NPY1R: variants seen among roughly 807,000 people sequenced by gnomAD.
The protein encoded by NPY1R is neuropeptide Y receptor Y1.
A neutral mutation model predicts 24.1 loss-of-function variants in NPY1R; 10 were observed. The observed-to-expected ratio is 0.42, with a 90% CI of 0.26 to 0.71. The LOEUF is 0.71. Ranked by LOEUF, NPY1R falls within the 30% of genes least tolerant of loss-of-function variation. The probability of loss-of-function intolerance (pLI) is 0.28; values close to 1 mark genes in which losing one functional copy is unlikely to be tolerated. For missense variants in NPY1R, 350 were observed against 458.0 expected (o/e 0.76, Z 2.15); for synonymous variants, 168 against 165.9 (o/e 1.01, Z -0.10).
At chr4:163,340,387 G>C (rs1560862263) in intron 1 of NPY1R, among the ~76,000 whole-genome samples, 1 of 151,806 alleles carries the variant, frequency 6.6e-6, no homozygotes, top group Non-Finnish European at 1.5e-5. Context: ...ATGTAAGACA[G>C]CCATAACTTT....
upstream of NPY1R, among the ~76,000 whole-genome samples, chr4:163,336,992 G>GT (rs10710696): frequency 0.015 from 2,293 of 150,810 alleles, 30 homozygotes; most frequent in African/African-American, 0.045. Flanking sequence ...AGGAGAAAGT[G>GT]TTTTTTTTTT....
chr4:163,337,875 C>T (rs1734880898), upstream of NPY1R, among the ~76,000 whole-genome samples: 1 of 152,138 alleles, frequency 6.6e-6, no homozygotes, highest in Admixed American at 6.5e-5. Flanking sequence ...GGTACATATA[C>T]AGTCACCTCA....
chr4:163,330,374 T>G (rs929201819), intron 1 of NPY1R, among the ~76,000 whole-genome samples: 1 of 152,174 alleles, frequency 6.6e-6, no homozygotes, highest in Non-Finnish European at 1.5e-5. Flanking sequence ...AAATGAAAAG[T>G]TTATTTTTTT....
At chr4:163,328,802 C>T (rs1203850538) in intron 1 of NPY1R, among the ~76,000 whole-genome samples, 1 of 152,230 alleles carries the variant, frequency 6.6e-6, no homozygotes, top group African/African-American at 2.4e-5. Context: ...AATCCAAACT[C>T]TACCCATCTT....
chr4:163,325,721 T>C lies in NPY1R; in HGVS notation c.737A>G (p.Asp246Gly). Residue 246 changes from aspartate (D) to glycine (G), a missense_variant, in exon 3 of 3, where the codon GAC (aspartate) becomes GGC (glycine). By Grantham distance (94) the Asp-to-Gly change is moderately conservative (BLOSUM62 -1). Coordinates refer to ENST00000296533, the MANE Select transcript of NPY1R (RefSeq NM_000909.6). Reference sequence around the variant, plus strand: ...CCTGTACTTATTGTCTCTCATCTTGTCCATCATGTTGTTTCTCCTTTTTAG... The same window carrying C: ...CCTGTACTTATTGTCTCTCATCTTGCCCATCATGTTGTTTCTCCTTTTTAG... ...IRLKRRNNMM[D>G]KMRDNKYRSS... The C allele has an allele frequency of 6.2e-7, 1 of 1,601,556 alleles. No homozygotes were observed. The highest frequency in any genetic ancestry group is 8.5e-7 in the Non-Finnish European group (1 of 1,177,938).
Position 163,326,573 on chromosome 4 carries a change from T to C in NPY1R, c.-19A>G. ...AATTCATTTTGATTGGTTTGGTTGTTATAGATTATTTTAGACAAATGGACA... is the reference window on the plus strand; with the variant it reads ...AATTCATTTTGATTGGTTTGGTTGTCATAGATTATTTTAGACAAATGGACA... On this transcript the variant is annotated 5_prime_UTR_variant, in exon 2 of 3. In the 5' UTR this introduces an upstream ATG that the reference lacks. Transcript: ENST00000296533. 3.3e-6 allele frequency: 5 copies of C among 1,499,598 alleles called. No homozygotes were observed. The South Asian group carries it at 6.2e-5, about 18-fold the overall frequency. The allele number at this position is 1,499,598 out of a possible 1,614,324, so 92.9% of individuals were successfully genotyped here.
intron 1 of NPY1R, among the ~76,000 whole-genome samples, chr4:163,327,068 TAAAC>T (rs957558209): frequency 2.0e-5 from 3 of 151,762 alleles, no homozygotes; most frequent in Admixed American, 1.3e-4. Flanking sequence ...ATAAGAAAAA[TAAAC>T]AAACAAAGCA....
chr4:163,328,327 GA>G (rs1185436815), intron 1 of NPY1R, among the ~76,000 whole-genome samples: 1 of 152,166 alleles, frequency 6.6e-6, no homozygotes, highest in East Asian at 1.9e-4. Flanking sequence ...CAGAGAGAAT[GA>G]TCAGCGATTG....
Position 163,325,881 on chromosome 4 carries a change from C to G in NPY1R, c.674G>C (p.Cys225Ser). Residue 225 changes from cysteine (C) to serine (S), a missense_variant, in exon 2 of 3, where the codon TGT (cysteine) becomes TCT (serine). Physicochemically the swap from Cys to Ser is moderately radical, Grantham distance 112 (BLOSUM62 -1). Coordinates refer to ENST00000296533, the MANE Select transcript of NPY1R (RefSeq NM_000909.6). ...CTTGAAGTAGCAAATAAATATAAAA[C>G]AAAGTGGACCAAAATACTGCAGCAC... ...LLVLQYFGPL[C>S]FIFICYFKIY... 6.2e-7 allele frequency: 1 copy of G among 1,613,620 alleles called. No homozygotes were observed. The highest frequency in any genetic ancestry group is 8.5e-7 in the Non-Finnish European group (1 of 1,179,774).
chr4:163,332,974 G>A (rs886803720), upstream of NPY1R: 2 of 152,246 alleles, frequency 1.3e-5, no homozygotes, highest in Non-Finnish European at 2.9e-5. Context: ...GCCCAAACCA[G>A]GAATCAAAGG....
At chr4:163,341,514 T>C (rs1461527410) in intron 1 of NPY1R, among the ~76,000 whole-genome samples, 1 of 152,170 alleles carries the variant, frequency 6.6e-6, no homozygotes, top group African/African-American at 2.4e-5. Flanking sequence ...ACCACAGCCA[T>C]GTTCCTCAGC....
upstream of NPY1R, among the ~76,000 whole-genome samples, chr4:163,337,744 A>G (rs566286490): frequency 1.9e-4 from 29 of 152,368 alleles, no homozygotes; most frequent in South Asian, 5.8e-3. Context: ...CACTTTTCTT[A>G]GCTTAGGACT....
rs781606902 is a variant in NPY1R, at chr4:163,326,015, A to G, written c.540T>C (p.Thr180=). 30 of 1,613,996 alleles carry G rather than the reference A, an allele frequency of 1.9e-5. 2 individuals carry two copies. The South Asian group carries it at 3.1e-4, about 17-fold the overall frequency. ...GTGTTACATTTTGGAACGGCTCATC[A>G]GTCATTACTTGGTAGATCAGGAAAG... ...SLPFLIYQVM[T]DEPFQNVTLD... The change falls in exon 2 of 3, where the codon ACT becomes ACC. Residue 180 remains threonine (T), a synonymous_variant. Coordinates refer to ENST00000296533, the MANE Select transcript of NPY1R (RefSeq NM_000909.6).
At chr4:163,335,264 G>A (rs1200869543), upstream of NPY1R, among the ~76,000 whole-genome samples, 1 of 152,136 alleles carries the variant, frequency 6.6e-6, no homozygotes, top group Non-Finnish European at 1.5e-5. Flanking sequence ...GGGGAATTAT[G>A]TTAATGACCT....
At chr4:163,327,357 T>C (rs1042488052) in intron 1 of NPY1R, among the ~76,000 whole-genome samples, 3 of 152,330 alleles carry the variant, frequency 2.0e-5, no homozygotes, top group South Asian at 4.1e-4. Flanking sequence ...ATGGGTAGCA[T>C]GTAGAACACA....
At chr4:163,335,423 A>T (rs1316546643), upstream of NPY1R, among the ~76,000 whole-genome samples, 1 of 152,218 alleles carries the variant, frequency 6.6e-6, no homozygotes, top group African/African-American at 2.4e-5. Flanking sequence ...TCCATGATTC[A>T]GTAACTGCTT....
intron 1 of NPY1R, among the ~76,000 whole-genome samples, chr4:163,331,564 G>A (rs1734728434): frequency 6.6e-6 from 1 of 151,848 alleles, no homozygotes; most frequent in South Asian, 2.1e-4. Flanking sequence ...TAAGAGACTG[G>A]CAAAAGAGAA....
chr4:163,340,267 A>G (rs1325385419), intron 1 of NPY1R, among the ~76,000 whole-genome samples: 1 of 151,972 alleles, frequency 6.6e-6, no homozygotes. Context: ...TTGACATAAT[A>G]AAATGTTATA....
chr4:163,326,519 A>G lies in NPY1R; in HGVS notation c.36T>C (p.His12=). The G allele has an allele frequency of 1.2e-6, 2 of 1,606,116 alleles. No individual in the cohort carries two copies. The highest frequency in any genetic ancestry group is 1.3e-5 in the African/African-American group (1 of 74,504). ...NSTLFSQVEN[H]SVHSNFSEKN... is the part of the protein sequence containing the mutation. ...TCTCTGAGAAATTAGAGTGGACTGA[A>G]TGATTTTCAACCTGGGAAAATAATG... Residue 12 remains histidine, a synonymous_variant, in exon 2 of 3, where the codon CAT becomes CAC. Transcript: ENST00000296533.
Sources: gnomAD v4.1 joint callset for allele counts (sites outside exome capture counted in the v4.1 genomes callset) on GRCh38, gnomAD v4.1.1 for gene constraint, MANE v1.5 for transcripts, NCBI Gene and HGNC (gene_info 2026-07-23, HGNC 2026-07-21) for gene names.